Variants in SALL4 observed in about 807,000 individuals in gnomAD.
The protein encoded by SALL4 is spalt like transcription factor 4, also known as sal-like protein 4.
In SALL4, 4 loss-of-function variants were observed where a neutral mutation model predicts 60.8. That is an observed-to-expected ratio of 0.07 (90% CI 0.03 to 0.15). The LOEUF (loss-of-function observed/expected upper bound fraction) is 0.15. SALL4 is among the 10% of genes least tolerant of loss of function. SALL4 has a pLI of 1.00. For synonymous variants in SALL4, 580 were observed against 574.9 expected, an observed-to-expected ratio of 1.01 and a Z score of -0.13; for missense variants, 1,178 against 1,394.7, an observed-to-expected ratio of 0.84 and a Z score of 2.48.
chr20:51,787,585 A>ACTAG (rs1453859083), intron 3 of SALL4, among the ~76,000 whole-genome samples: 1 of 152,222 alleles, frequency 6.6e-6, no homozygotes. Flanking sequence ...AAGGGACCTT[A>ACTAG]CTAGCACCTG....
rs1369387645 is a variant in SALL4, at chr20:51,792,060, C to T, written c.423G>A (p.Glu141=). 2 of 1,614,096 alleles carry T rather than the reference C, an allele frequency of 1.2e-6. No homozygotes were observed. The highest frequency in any genetic ancestry group is 1.7e-6 in the Non-Finnish European group (2 of 1,180,060). The change falls in exon 2 of 4, where the codon GAG becomes GAA. Residue 141 remains glutamate, a synonymous_variant. Transcript: ENST00000217086. ...DCHRENGGSS[E]DMKEKPDAES... ...CCGCATCCGGCTTCTCCTTCATGTCCTCTGAGCTGCCGCCATTCTCCCTGT... is the reference window on the plus strand; with the variant it reads ...CCGCATCCGGCTTCTCCTTCATGTCTTCTGAGCTGCCGCCATTCTCCCTGT...
rs1198773295 is a variant in SALL4, at chr20:51,791,747, C to T, written c.736G>A (p.Ala246Thr). Reference sequence around the variant, plus strand: ...GCCCCTGCCCCGCTTGAGTGGAGGGCGTGGGAGGCCCACATGTTCACCTGG... The same window carrying T: ...GCCCCTGCCCCGCTTGAGTGGAGGGTGTGGGAGGCCCACATGTTCACCTGG... ...RIQVNMWASH[A>T]LHSSGAGADT... Residue 246 changes from alanine to threonine, a missense_variant, in exon 2 of 4, where the codon GCC becomes ACC. Ala to Thr is a moderately conservative substitution (Grantham distance 58). Coordinates refer to ENST00000217086, the MANE Select transcript of SALL4 (RefSeq NM_020436.5). The surrounding 1 kb of genome is among the most constrained non-coding windows in gnomAD (Gnocchi z 4.6). 12 of 1,614,086 alleles carry T rather than the reference C, an allele frequency of 7.4e-6. No homozygotes were observed. The highest frequency in any genetic ancestry group is 9.3e-6 in the Non-Finnish European group (11 of 1,180,046).
In SALL4 at chr20:51,793,662, C is replaced by A. The variant is rs538551454; in HGVS notation, c.131-1310G>T. On this transcript the variant is annotated intron_variant, in intron 1 of 3. Transcript: ENST00000217086. ...CAGGCTGGTCTCAAACTCCTGGGTG[C>A]AAGTGATCCGTCTGCCTCAGCCTCC... is the stretch of plus-strand genomic sequence containing the variant. Among the ~76,000 whole-genome samples the A allele has an allele frequency of 2.6e-5, 4 of 152,278 alleles. No individual in the cohort carries two copies. In the South Asian group the frequency reaches 8.3e-4, roughly 32 times the overall value.
In SALL4 at chr20:51,791,094, G is replaced by A; in HGVS notation, c.1389C>T (p.Asp463=). The stretch of plus-strand genomic sequence containing the variant: ...AAGAAAGACTCGGTTCATCTATGGG[G>A]TCAGGTACAGAGAGTGCATAGGGGA... ...NGIPYALSVP[D]PIDEPSLSLD... is the part of the protein sequence containing the mutation. The change falls in exon 2 of 4, where the codon GAC becomes GAT. Residue 463 remains aspartate (D), a synonymous_variant. Coordinates refer to ENST00000217086, the MANE Select transcript of SALL4 (RefSeq NM_020436.5). The surrounding 1 kb of genome is among the most constrained non-coding windows in gnomAD (Gnocchi z 4.6). The A allele has an allele frequency of 1.2e-6, 2 of 1,614,148 alleles. No individual in the cohort carries two copies. Among genetic ancestry groups the A allele is most frequent in the African/African-American group, 1.3e-5 (1 of 75,026 alleles).
Position 51,791,586 on chromosome 20 carries a change from G to A in SALL4, c.897C>T (p.Ile299=). 1 of 1,613,652 alleles carries A rather than the reference G, an allele frequency of 6.2e-7. No homozygotes were observed. Among genetic ancestry groups the A allele is most frequent in the Admixed American group, 1.7e-5 (1 of 60,030 alleles). The change falls in exon 2 of 4, where the codon ATC becomes ATT. Residue 299 remains isoleucine, a synonymous_variant. Coordinates refer to ENST00000217086, the MANE Select transcript of SALL4 (RefSeq NM_020436.5). This position sits in a 1 kb window ranked among gnomAD's most constrained non-coding sequence, Gnocchi z 4.6. ...GGGACAGGGAGCTGGTGGCAGAAGG[G>A]ATGTTGGCGTGAGGTAGCTTGGCTT... The part of the protein sequence containing the change: ...LKQAKLPHAN[I]PSATSSLSPG...
Position 51,782,362 on chromosome 20 carries a change from C to T in SALL4, c.*1903G>A, listed in dbSNP as rs2077960904. On this transcript the variant is annotated 3_prime_UTR_variant, in exon 4 of 4. Coordinates refer to ENST00000217086, the MANE Select transcript of SALL4 (RefSeq NM_020436.5). The stretch of plus-strand genomic sequence containing the variant: ...AAAAAAACATTCAAATTTTATTTTC[C>T]AACAGACAGACAGCATCAGCAGGTA... 1 of 151,742 alleles carries T rather than the reference C, an allele frequency of 6.6e-6. No homozygotes were observed. Among genetic ancestry groups the T allele is most frequent in the Non-Finnish European group, 1.5e-5 (1 of 67,934 alleles). The allele number at this position is 151,742 out of a possible 1,614,324, so 9.4% of individuals were successfully genotyped here.
At position 51,784,492 on chromosome 20, in the gene SALL4, C is replaced by T. The variant is rs779372301; in HGVS notation, c.2935G>A (p.Gly979Ser). 1.9e-5 allele frequency: 30 copies of T among 1,614,052 alleles called. No individual in the cohort carries two copies. The highest frequency in any genetic ancestry group is 2.2e-5 in the East Asian group (1 of 44,896). ...ATCTCATTGGTCTTCACGGCCAGAC[C>T]GCCATTGAGCATGCTGGTGTACTGG... Reference protein sequence around the residue: ...WNQYTSMLNGGLAVKTNEISV... With the variant: ...WNQYTSMLNGSLAVKTNEISV... Residue 979 changes from glycine (G) to serine (S), a missense_variant, in exon 4 of 4, where the codon GGT becomes AGT. This residue lies in a region of SALL4 where 174 missense variants were observed against 169.6 expected (regional missense o/e 1.03). Coordinates refer to ENST00000217086, the MANE Select transcript of SALL4 (RefSeq NM_020436.5).
Position 51,791,427 on chromosome 20 carries a change from C to T in SALL4, c.1056G>A (p.Ala352=), listed in dbSNP as rs13038893. ...VLFQSPFSTV[A]LDTSKKGKGK... is the part of the protein sequence containing the mutation. ...CCTTCCCTTTCTTGGATGTGTCTAG[C>T]GCCACAGTGGAGAAAGGGCTCTGGA... Residue 352 remains alanine (A), a synonymous_variant, in exon 2 of 4, where the codon GCG becomes GCA. Coordinates refer to ENST00000217086, the MANE Select transcript of SALL4 (RefSeq NM_020436.5). The surrounding 1 kb of genome is among the most constrained non-coding windows in gnomAD (Gnocchi z 4.6). 0.3 allele frequency: 479,708 copies of T among 1,613,838 alleles called. 74,714 individuals are homozygous for T. The highest frequency in any genetic ancestry group is 0.33 in the Non-Finnish European group (385,165 of 1,179,936).
At chr20:51,798,296 A>G (rs1056177412) in intron 1 of SALL4, among the ~76,000 whole-genome samples, 6 of 152,170 alleles carry the variant, frequency 3.9e-5, no homozygotes, top group African/African-American at 1.4e-4. Context: ...CACAGGCGCT[A>G]AGGCGTGTGA....
At chr20:51,784,748 G>C (rs1190225322) in intron 3 of SALL4, 64 bp from the exon 4 acceptor site, 2 of 1,560,396 alleles carry the variant, frequency 1.3e-6, no homozygotes, top group Non-Finnish European at 1.8e-6. Context: ...GGCAAGCCAA[G>C]AATCAATCTG....
At position 51,791,848 on chromosome 20, in the gene SALL4, G is replaced by A. The variant is rs758122948; in HGVS notation, c.635C>T (p.Pro212Leu). 1.3e-5 allele frequency: 21 copies of A among 1,614,016 alleles called. No homozygotes were observed. Among genetic ancestry groups the A allele is most frequent in the Middle Eastern group, 3.3e-4 (2 of 6,084 alleles). The change falls in exon 2 of 4, where the codon CCG (proline) becomes CTG (leucine). Residue 212 changes from proline to leucine, a missense_variant. This residue lies in a region of SALL4 where 853 missense variants were observed against 1,036.8 expected (regional missense o/e 0.82). Transcript: ENST00000217086. The surrounding 1 kb of genome is among the most constrained non-coding windows in gnomAD (Gnocchi z 4.6). ...ACACAAGATCTGCTCGAGGACCCAC[G>A]GGATGCTGTTGGCACCAGGCACGGG... ...PAPVPGANSI[P>L]WVLEQILCLQ...
intron 3 of SALL4, among the ~76,000 whole-genome samples, chr20:51,784,899 C>T (rs947442811): frequency 6.6e-5 from 10 of 152,204 alleles, no homozygotes; most frequent in Admixed American, 5.2e-4. Context: ...AGCCAAACAT[C>T]ATAGCTCAGT....
chr20:51,787,814 G>A (rs1388585264), intron 3 of SALL4, among the ~76,000 whole-genome samples: 1 of 151,636 alleles, frequency 6.6e-6, no homozygotes, highest in Non-Finnish European at 1.5e-5. Context: ...GCCCTTTTCA[G>A]CTTCTTAAGA....
intron 1 of SALL4, among the ~76,000 whole-genome samples, chr20:51,798,874 A>C (rs1449751439): frequency 2.0e-5 from 3 of 149,824 alleles, no homozygotes; most frequent in Non-Finnish European, 4.4e-5. Flanking sequence ...ACAAAACAAA[A>C]CAAAAAAAAC....
chr20:51,794,490 G>A (rs2078068586), intron 1 of SALL4, among the ~76,000 whole-genome samples: 1 of 152,110 alleles, frequency 6.6e-6, no homozygotes, highest in Non-Finnish European at 1.5e-5. Context: ...GGCGGAGGTT[G>A]CAGTGAACTG....
chr20:51,792,084 G>C lies in SALL4; in HGVS notation c.399C>G (p.His133Gln). 1.9e-6 allele frequency: 3 copies of C among 1,614,188 alleles called. No individual in the cohort carries two copies. Among genetic ancestry groups the C allele is most frequent in the Non-Finnish European group, 2.5e-6 (3 of 1,180,036 alleles). The change falls in exon 2 of 4, where the codon CAC becomes CAG. Residue 133 changes from histidine (H) to glutamine (Q), a missense_variant. Physicochemically the swap from His to Gln is conservative, Grantham distance 24 (BLOSUM62 0). Coordinates refer to ENST00000217086, the MANE Select transcript of SALL4 (RefSeq NM_020436.5). ...QPTSPGSKDC[H>Q]RENGGSSEDM... ...CCTCTGAGCTGCCGCCATTCTCCCTGTGACAGTCCTTACTGCCGGGACTGG... is the reference window on the plus strand; with the variant it reads ...CCTCTGAGCTGCCGCCATTCTCCCTCTGACAGTCCTTACTGCCGGGACTGG...
rs181975012 is a variant in SALL4 at position 51,784,794 on chromosome 20, T to C, written c.2743-110A>G. On this transcript the variant is annotated intron_variant, in intron 3 of 3. Transcript: ENST00000217086. ...TCATTCTACCCAGTGTTTTAACATATAGATGATCCTTGACTTACAGCGGGG... is the reference window on the plus strand; with the variant it reads ...TCATTCTACCCAGTGTTTTAACATACAGATGATCCTTGACTTACAGCGGGG... 270 of 1,248,706 alleles carry C rather than the reference T, an allele frequency of 2.2e-4. No individual in the cohort carries two copies. The African/African-American group carries it at 3.5e-3, about 16-fold the overall frequency. 77.4% of individuals were successfully genotyped at this position (1,248,706 alleles called of 1,614,324 possible). A position where few individuals can be genotyped will look rare whatever the true frequency, so the allele number is the denominator to read the frequency against.
At chr20:51,802,250 C>A in intron 1 of SALL4, 29 bp downstream of exon 1, 4 of 1,572,406 alleles carry the variant, frequency 2.5e-6, no homozygotes, top group Non-Finnish European at 3.5e-6. Flanking sequence ...AAGCTCCCCT[C>A]CCCGGGCGGG....
chr20:51,798,778 C>T (rs958871625), intron 1 of SALL4, among the ~76,000 whole-genome samples: 3 of 151,874 alleles, frequency 2.0e-5, no homozygotes, highest in African/African-American at 7.3e-5. Context: ...GCTCCCTTGT[C>T]GAAGATGCCA....
Sources: gnomAD v4.1 joint callset for allele counts (sites outside exome capture counted in the v4.1 genomes callset) on GRCh38, gnomAD v4.1.1 for gene constraint, gnomAD v4.1.1 regional missense constraint, Gnocchi (gnomAD v3.1) non-coding constraint, MANE v1.5 for transcripts, NCBI Gene and HGNC (gene_info 2026-07-23, HGNC 2026-07-21) for gene names.